Variants in LOXL2 observed in about 807,000 individuals in gnomAD.
LOXL2 encodes the protein lysyl oxidase like 2.
A neutral mutation model predicts 93.0 loss-of-function variants in LOXL2; 70 were observed. The ratio of observed to expected loss-of-function variants is 0.75; its 90% CI spans 0.62 to 0.92. The LOEUF is 0.92. Among genes scored for constraint, LOXL2 ranks in the 40% least tolerant of loss-of-function variants. The pLI is 0.00. For missense variants in LOXL2, 973 were observed against 1,054.9 expected (o/e 0.92, Z 1.08); for synonymous variants, 438 against 413.2 (o/e 1.06, Z -0.73).
chr8:23,305,987 T>A (rs1420791875), intron 10 of LOXL2, among the ~76,000 whole-genome samples: 7 of 152,022 alleles, frequency 4.6e-5, no homozygotes, highest in Non-Finnish European at 8.8e-5. Flanking sequence ...ATTTTTGTAT[T>A]TTTAGTAAAG....
chr8:23,402,072 A>G lies in LOXL2; in HGVS notation c.-84+1882T>C, dbSNP rs143045671. ...CATACACACAAGTGCACAAACGCGC[A>G]CACACACATACACATGCAAACATGC... On this transcript the variant is annotated intron_variant, in intron 1 of 13. Transcript: ENST00000389131. Among the ~76,000 whole-genome samples, 1,507 of 151,934 alleles carry G rather than the reference A, an allele frequency of 9.9e-3. 21 individuals are homozygous for G. Among genetic ancestry groups the G allele is most frequent in the Middle Eastern group, 0.014 (4 of 294 alleles).
In LOXL2 at chr8:23,385,726, A is replaced by G. The variant is rs560435760; in HGVS notation, c.-83-17292T>C. The G allele has an allele frequency of 1.2e-4, 66 of 568,680 alleles. No individual in the cohort carries two copies. The African/African-American group carries it at 1.2e-3, about 10-fold the overall frequency. The allele number at this position is 568,680 out of a possible 1,614,324, so 35.2% of individuals were successfully genotyped here. A position where few individuals can be genotyped will look rare whatever the true frequency, so the allele number is the denominator to read the frequency against. On this transcript the variant is annotated intron_variant, in intron 1 of 13. Coordinates refer to ENST00000389131, the MANE Select transcript of LOXL2 (RefSeq NM_002318.3). ...AACAGAAACGTAATGAGAGCCACAT[A>G]TGAAATTTTAAATTCCCTCGTAGCC...
At position 23,317,112 on chromosome 8, in the gene LOXL2, C is replaced by G. The variant is rs1803415794; in HGVS notation, c.1473G>C (p.Glu491Asp). 2 of 1,613,948 alleles carry G rather than the reference C, an allele frequency of 1.2e-6. No individual in the cohort carries two copies. The highest frequency in any genetic ancestry group is 1.3e-5 in the African/African-American group (1 of 74,892). Reference sequence around the variant, plus strand: ...TGACATCTCCGTGCCAATACCAGGTCTCCTGGAAGAACCAACAAAACAAAT... The same window carrying G: ...TGACATCTCCGTGCCAATACCAGGTGTCCTGGAAGAACCAACAAAACAAAT... ...GLGFASNAFQ[E>D]TWYWHGDVNS... is the part of the protein sequence containing the mutation. Residue 491 changes from glutamate to aspartate, a missense_variant and splice_region_variant, in exon 9 of 14, where the codon GAG becomes GAC. Transcript: ENST00000389131.
chr8:23,303,181 C>T (rs902334886), intron 11 of LOXL2, 101 bp downstream of exon 11: 1 of 771,694 alleles, frequency 1.3e-6, no homozygotes, highest in Non-Finnish European at 2.3e-6. Context: ...GTCAGAGTGA[C>T]ACAGGGTCAG....
intron 1 of LOXL2, among the ~76,000 whole-genome samples, chr8:23,393,166 T>C (rs978118297): frequency 6.6e-6 from 1 of 152,224 alleles, no homozygotes; most frequent in Non-Finnish European, 1.5e-5. Context: ...ACAATTTCTA[T>C]CACAATCCCA....
intron 3 of LOXL2, among the ~76,000 whole-genome samples, chr8:23,359,244 T>C (rs1160057874): frequency 6.6e-6 from 1 of 152,228 alleles, no homozygotes; most frequent in Non-Finnish European, 1.5e-5. Flanking sequence ...CTACCTGGTG[T>C]CACACATTTG....
chr8:23,358,685 A>C lies in LOXL2; in HGVS notation c.531+1405T>G, dbSNP rs1585368991. Among the ~76,000 whole-genome samples the C allele has an allele frequency of 3.3e-5, 5 of 152,336 alleles. No homozygotes were observed. The South Asian group carries it at 8.3e-4, about 25-fold the overall frequency. ...TGTTTGGATAAAGAATTTGCTGGAA[A>C]GCTAACCCTGAAATTTAGCCATAAA... On this transcript the variant is annotated intron_variant, in intron 3 of 13. Coordinates refer to ENST00000389131, the MANE Select transcript of LOXL2 (RefSeq NM_002318.3).
intron 8 of LOXL2, among the ~76,000 whole-genome samples, chr8:23,319,277 T>TG (rs1803454772): frequency 3.3e-4 from 1 of 3,066 alleles, no homozygotes; most frequent in Non-Finnish European, 5.4e-4. Context: ...TGCTCTGTGA[T>TG]GGGGGCGGGA....
intron 2 of LOXL2, 135 bp downstream of exon 2, chr8:23,367,862 C>CA: frequency 1.4e-6 from 1 of 729,672 alleles, no homozygotes; most frequent in Non-Finnish European, 2.2e-6. Context: ...AGAAGGATGC[C>CA]AGTCCCTGGA....
At chr8:23,327,046 C>T (rs897008817) in intron 6 of LOXL2, among the ~76,000 whole-genome samples, 1 of 152,200 alleles carries the variant, frequency 6.6e-6, no homozygotes, top group Non-Finnish European at 1.5e-5. Flanking sequence ...GACTTGTTCT[C>T]CTCAACTCTT....
At chr8:23,302,276 C>A in intron 11 of LOXL2, 113 bp from the exon 12 acceptor site, 1 of 1,293,486 alleles carries the variant, frequency 7.7e-7, no homozygotes, top group Non-Finnish European at 1.1e-6. Flanking sequence ...GGCATCCCAC[C>A]CCACTGTGTG....
intron 5 of LOXL2, among the ~76,000 whole-genome samples, chr8:23,332,444 C>G (rs890403188): frequency 7.2e-6 from 1 of 139,060 alleles, no homozygotes; most frequent in African/African-American, 2.7e-5. Flanking sequence ...CCCACACACT[C>G]CTACAGACAC....
chr8:23,393,445 A>G (rs1732996316), intron 1 of LOXL2, among the ~76,000 whole-genome samples: 1 of 152,254 alleles, frequency 6.6e-6, no homozygotes, highest in Admixed American at 6.5e-5. Flanking sequence ...AGACCATTCA[A>G]TGGGGAAAGA....
chr8:23,348,889 A>C (rs1364991278), intron 3 of LOXL2, among the ~76,000 whole-genome samples: 1 of 151,966 alleles, frequency 6.6e-6, no homozygotes, highest in Non-Finnish European at 1.5e-5. Flanking sequence ...AAAAAACAAA[A>C]CAAACAAACA....
intron 3 of LOXL2, among the ~76,000 whole-genome samples, chr8:23,359,073 C>T (rs1199506092): frequency 6.6e-6 from 1 of 151,888 alleles, no homozygotes; most frequent in Non-Finnish European, 1.5e-5. Context: ...AGGATGGTCT[C>T]GATCTCCTGA....
chr8:23,309,071 G>A (rs1440530543), intron 10 of LOXL2, among the ~76,000 whole-genome samples: 8 of 150,226 alleles, frequency 5.3e-5, no homozygotes, highest in African/African-American at 9.8e-5. Flanking sequence ...AGCAACCTCC[G>A]CCTCCTGGGT....
intron 1 of LOXL2, among the ~76,000 whole-genome samples, chr8:23,399,265 C>A (rs900006207): frequency 6.6e-6 from 1 of 151,948 alleles, no homozygotes; most frequent in African/African-American, 2.4e-5. Flanking sequence ...ATGACAGTAA[C>A]AAGCTGCTCT....
intron 2 of LOXL2, chr8:23,363,089 T>C (rs956530166): frequency 3.3e-5 from 5 of 152,264 alleles, no homozygotes; most frequent in African/African-American, 4.8e-5. Context: ...ATGTGCCTGG[T>C]ACGCTTTCAA....
chr8:23,359,668 T>C (rs1338856759), intron 3 of LOXL2, among the ~76,000 whole-genome samples: 1 of 152,222 alleles, frequency 6.6e-6, no homozygotes, highest in African/African-American at 2.4e-5. Context: ...GATTCACTCT[T>C]TTCAGCTGCA....
Sources: gnomAD v4.1 joint callset for allele counts (sites outside exome capture counted in the v4.1 genomes callset) on GRCh38, gnomAD v4.1.1 for gene constraint, MANE v1.5 for transcripts, NCBI Gene and HGNC (gene_info 2026-07-23, HGNC 2026-07-21) for gene names.